DAB1: variants seen among roughly 807,000 people sequenced by gnomAD.
The protein encoded by DAB1 is DAB adaptor protein 1, also known as disabled homolog 1.
DAB1 carries 15 observed loss-of-function variants against 64.6 expected under a neutral mutation model. The ratio of observed to expected loss-of-function variants is 0.23; its 90% CI spans 0.16 to 0.36. DAB1 has a LOEUF of 0.36. Ranked by LOEUF, DAB1 falls within the 10% of genes least tolerant of loss-of-function variation. The probability of loss-of-function intolerance (pLI) is 1.00; values close to 1 mark genes in which losing one functional copy is unlikely to be tolerated. For missense variants in DAB1, 596 were observed against 706.7 expected (o/e 0.84, Z 1.78); for synonymous variants, 235 against 251.9 (o/e 0.93, Z 0.64).
At position 57,185,404 on chromosome 1, in the gene DAB1, T is replaced by A. The variant is rs990220629; in HGVS notation, c.68-39975A>T. 2.0e-5 allele frequency among the ~76,000 whole-genome samples: 3 copies of A among 152,096 alleles called. No individual in the cohort carries two copies. The East Asian group carries it at 5.8e-4, about 29-fold the overall frequency. On this transcript the variant is annotated intron_variant, in intron 2 of 14. Transcript: ENST00000371236. ...ATTGTTAAGTGTACATGCTTCTGGC[T>A]TGAATACCTGGGCAAAGAGAAGGGA...
At chr1:57,299,291 AC>A (rs1673442832) in intron 1 of DAB1, among the ~76,000 whole-genome samples, 1 of 152,254 alleles carries the variant, frequency 6.6e-6, no homozygotes, top group African/African-American at 2.4e-5. Flanking sequence ...GTAAAATGGA[AC>A]AATAATAGAA....
chr1:58,266,767 G>T (rs1661173414), intron 4 of DAB1, among the ~76,000 whole-genome samples: 1 of 152,090 alleles, frequency 6.6e-6, no homozygotes, highest in Non-Finnish European at 1.5e-5. Context: ...TATGAATGAT[G>T]ACAAAAAACA....
At chr1:57,233,686 G>A (rs1667875130) in intron 2 of DAB1, among the ~76,000 whole-genome samples, 1 of 151,602 alleles carries the variant, frequency 6.6e-6, no homozygotes, top group Non-Finnish European at 1.5e-5. Context: ...TTGAACCTGG[G>A]AGGCGGAAGT....
At position 58,401,754 on chromosome 1, in the gene DAB1, A is replaced by C. The variant is rs887412764; in HGVS notation, n.258-58351T>G. Reference sequence around the variant, plus strand: ...TAATGGGTATCACCTTCTTCCTTTCACAGCTTCTGAAACAATTACTTTTCC... The same window carrying C: ...TAATGGGTATCACCTTCTTCCTTTCCCAGCTTCTGAAACAATTACTTTTCC... On this transcript the variant is annotated intron_variant and non_coding_transcript_variant, in intron 3 of 20. Coordinates refer to the DAB1 transcript ENST00000485760. Among the ~76,000 whole-genome samples, 3 of 152,330 alleles carry C rather than the reference A, an allele frequency of 2.0e-5. 1 individual carries two copies. In the East Asian group the frequency reaches 5.8e-4, roughly 29 times the overall value.
intron 6 of DAB1, among the ~76,000 whole-genome samples, chr1:57,710,146 A>G (rs1253754726): frequency 6.6e-6 from 1 of 152,102 alleles, no homozygotes; most frequent in Non-Finnish European, 1.5e-5. Context: ...TTTAGTGCCT[A>G]CTGACTCTCA....
chr1:57,146,796 A>G lies in DAB1; in HGVS notation c.68-1367T>C, dbSNP rs144173414. ...TGACTGCAAATACAAATGTATTTGC[A>G]TTACGCTAAGTGTGTAAGAAGGTTC... is the stretch of plus-strand genomic sequence containing the variant. On this transcript the variant is annotated intron_variant, in intron 2 of 14. Transcript: ENST00000371236. Among the ~76,000 whole-genome samples the G allele has an allele frequency of 2.0e-3, 304 of 152,292 alleles. 1 individual carries two copies. The highest frequency in any genetic ancestry group is 0.01 in the Middle Eastern group (3 of 294).
intron 4 of DAB1, among the ~76,000 whole-genome samples, chr1:57,081,430 G>A (rs1236694606): frequency 6.6e-6 from 1 of 152,164 alleles, no homozygotes; most frequent in Non-Finnish European, 1.5e-5. Context: ...GCTAAAGGAT[G>A]ATAAGAAAAG....
At chr1:57,435,176 G>A (rs1190069256) in intron 7 of DAB1, among the ~76,000 whole-genome samples, 1 of 150,284 alleles carries the variant, frequency 6.7e-6, no homozygotes, top group African/African-American at 2.5e-5. Context: ...AGCCTCCCAA[G>A]TAGCTGGGAC....
At chr1:57,646,929 C>A (rs1646198707) in intron 7 of DAB1, among the ~76,000 whole-genome samples, 1 of 152,230 alleles carries the variant, frequency 6.6e-6, no homozygotes, top group African/African-American at 2.4e-5. Flanking sequence ...TGAGGTCCAG[C>A]TCAAGTAGCA....
chr1:57,713,111 C>T (rs1043939410), intron 6 of DAB1, among the ~76,000 whole-genome samples: 3 of 152,110 alleles, frequency 2.0e-5, no homozygotes, highest in African/African-American at 4.8e-5. Context: ...CTGCATCAGC[C>T]GGGATGTTAA....
chr1:57,113,990 C>T, intron 4 of DAB1, among the ~76,000 whole-genome samples: 1 of 152,146 alleles, frequency 6.6e-6, no homozygotes, highest in Non-Finnish European at 1.5e-5. Context: ...CACTTCCCTG[C>T]TGTTTTTGGT....
At chr1:57,515,860 G>C (rs918604658) in intron 7 of DAB1, among the ~76,000 whole-genome samples, 1 of 152,176 alleles carries the variant, frequency 6.6e-6, no homozygotes, top group Non-Finnish European at 1.5e-5. Flanking sequence ...GATGGGCTGG[G>C]TTTTTCTATA....
chr1:58,221,503 C>A (rs1278544829), intron 4 of DAB1, among the ~76,000 whole-genome samples: 1 of 152,202 alleles, frequency 6.6e-6, no homozygotes, highest in Non-Finnish European at 1.5e-5. Flanking sequence ...ACTGCCATAG[C>A]CTCCGGGGCA....
rs972916342 is a variant in DAB1 at position 57,684,785 on chromosome 1, G to A, written n.552-35120C>T. Reference sequence around the variant, plus strand: ...TCATATATCAATACTAAAACTGAATGTAAATGGGCTAAATTCCCCACTTAA... The same window carrying A: ...TCATATATCAATACTAAAACTGAATATAAATGGGCTAAATTCCCCACTTAA... On this transcript the variant is annotated intron_variant and non_coding_transcript_variant, in intron 6 of 20. Coordinates refer to the DAB1 transcript ENST00000485760. Among the ~76,000 whole-genome samples the A allele has an allele frequency of 5.3e-5, 8 of 152,152 alleles. No homozygotes were observed. In the South Asian group the frequency reaches 1.4e-3, roughly 28 times the overall value.
rs933774020 is a variant in DAB1 at position 58,266,219 on chromosome 1, C to T, written n.309+77133G>A. 2.6e-5 allele frequency among the ~76,000 whole-genome samples: 4 copies of T among 152,218 alleles called. No homozygotes were observed. In the East Asian group the frequency reaches 5.8e-4, roughly 22 times the overall value. ...GCTATTGTATCCACCTGAACAAATA[C>T]GGCCTAGCATCCTACCTTCTTTGCA... On this transcript the variant is annotated intron_variant and non_coding_transcript_variant, in intron 4 of 20. Transcript: ENST00000485760.
chr1:57,175,032 C>T (rs932818477), intron 2 of DAB1, among the ~76,000 whole-genome samples: 64 of 152,146 alleles, frequency 4.2e-4, no homozygotes, highest in African/African-American at 1.4e-3. Context: ...ACAGAGCACA[C>T]GGACTCAGAA....
chr1:57,374,906 T>G (rs976633320), intron 1 of DAB1, among the ~76,000 whole-genome samples: 1 of 152,146 alleles, frequency 6.6e-6, no homozygotes, highest in Non-Finnish European at 1.5e-5. Context: ...AGGCTGAAAG[T>G]CCCTACCTAA....
chr1:57,227,208 T>G (rs2100412965), intron 2 of DAB1, among the ~76,000 whole-genome samples: 1 of 152,244 alleles, frequency 6.6e-6, no homozygotes, highest in South Asian at 2.1e-4. Flanking sequence ...ATCCTAAGCC[T>G]TAGTGGAATT....
At chr1:58,025,669 A>G (rs951508514) in intron 5 of DAB1, among the ~76,000 whole-genome samples, 29 of 144,544 alleles carry the variant, frequency 2.0e-4, no homozygotes, top group African/African-American at 6.3e-4. Context: ...ATATATATAT[A>G]TATATATATA....
Sources: allele counts gnomAD v4.1 joint callset (sites outside exome capture counted in the v4.1 genomes callset), GRCh38; gene constraint gnomAD v4.1.1; transcripts MANE v1.5; gene names NCBI Gene and HGNC (gene_info 2026-07-23, HGNC 2026-07-21).